NKAIN2: variants seen among roughly 807,000 people sequenced by gnomAD.
The protein encoded by NKAIN2 is sodium/potassium-transporting ATPase subunit beta-1-interacting protein 2.
In NKAIN2, 14 loss-of-function variants were observed where a neutral mutation model predicts 32.6. That is an observed-to-expected ratio of 0.43 (90% CI 0.28 to 0.67). The LOEUF is 0.67. NKAIN2 is among the 30% of genes least tolerant of loss of function. The probability of loss-of-function intolerance (pLI) is 0.17; values close to 1 mark genes in which losing one functional copy is unlikely to be tolerated. For synonymous variants in NKAIN2, 80 were observed against 87.2 expected (o/e 0.92, Z 0.46); for missense variants, 198 against 258.3 (o/e 0.77, Z 1.60).
chr6:124,027,152 T>C (rs1471249238), intron 1 of NKAIN2, among the ~76,000 whole-genome samples: 3 of 152,042 alleles, frequency 2.0e-5, no homozygotes, highest in Non-Finnish European at 4.4e-5. Context: ...TTTTTTTTTT[T>C]TTTTAAGACA....
At chr6:124,753,269 A>C (rs541445400) in intron 4 of NKAIN2, among the ~76,000 whole-genome samples, 1 of 152,222 alleles carries the variant, frequency 6.6e-6, no homozygotes, top group African/African-American at 2.4e-5. Context: ...GCAGAGCAAA[A>C]TCTCTTTCTG....
At chr6:123,917,744 C>G (rs766896765) in intron 1 of NKAIN2, among the ~76,000 whole-genome samples, 1 of 152,066 alleles carries the variant, frequency 6.6e-6, no homozygotes, top group Non-Finnish European at 1.5e-5. Context: ...GTATTAATAA[C>G]TGATAAGGCT....
chr6:124,567,691 GT>G (rs1780971510), intron 3 of NKAIN2, among the ~76,000 whole-genome samples: 1 of 152,242 alleles, frequency 6.6e-6, no homozygotes, highest in South Asian at 2.1e-4. Context: ...TTGTCTGGAT[GT>G]TGGTGATTTA....
chr6:124,465,426 G>C (rs549547582), intron 3 of NKAIN2, among the ~76,000 whole-genome samples: 1 of 151,974 alleles, frequency 6.6e-6, no homozygotes, highest in African/African-American at 2.4e-5. Context: ...AGTGGGAGTC[G>C]AACAATGAGA....
At chr6:123,998,934 C>T (rs1299730999) in intron 1 of NKAIN2, among the ~76,000 whole-genome samples, 1 of 151,666 alleles carries the variant, frequency 6.6e-6, no homozygotes, top group Admixed American at 6.6e-5. Context: ...TGTCTTTTGA[C>T]ACTGTTTTCA....
chr6:124,792,734 G>A (rs565152457), intron 5 of NKAIN2, among the ~76,000 whole-genome samples: 1 of 151,984 alleles, frequency 6.6e-6, no homozygotes, highest in Non-Finnish European at 1.5e-5. Flanking sequence ...AGTGAGGGGT[G>A]GTCCCAGGCA....
intron 1 of NKAIN2, among the ~76,000 whole-genome samples, chr6:123,922,879 A>G (rs762065186): frequency 3.3e-5 from 5 of 152,212 alleles, no homozygotes; most frequent in Non-Finnish European, 5.9e-5. Flanking sequence ...GGGGAAAGTT[A>G]CTGTGCTGTC....
chr6:123,909,862 C>T (rs1562252116), intron 1 of NKAIN2, among the ~76,000 whole-genome samples: 1 of 152,106 alleles, frequency 6.6e-6, no homozygotes, highest in Non-Finnish European at 1.5e-5. Context: ...CAACCATTTG[C>T]ACAGCAATTA....
chr6:124,220,677 A>G (rs1225273588), intron 1 of NKAIN2, among the ~76,000 whole-genome samples: 1 of 151,640 alleles, frequency 6.6e-6, no homozygotes, highest in African/African-American at 2.4e-5. Context: ...GTTTTCTAAT[A>G]ATTTTGCCCC....
intron 1 of NKAIN2, among the ~76,000 whole-genome samples, chr6:124,002,133 C>G (rs1779902589): frequency 6.6e-6 from 1 of 151,890 alleles, no homozygotes; most frequent in Non-Finnish European, 1.5e-5. Flanking sequence ...AAATTATAAC[C>G]AAGTTCTATT....
chr6:124,778,901 G>T (rs370480994), intron 4 of NKAIN2, among the ~76,000 whole-genome samples: 9 of 152,040 alleles, frequency 5.9e-5, no homozygotes, highest in Non-Finnish European at 1.3e-4. Context: ...GTCAAAAACC[G>T]ATGAACATTT....
intron 2 of NKAIN2, among the ~76,000 whole-genome samples, chr6:124,354,615 G>T (rs1280326903): frequency 4.6e-5 from 7 of 152,110 alleles, no homozygotes. Context: ...CTTGGGGAAA[G>T]GTTGATCATT....
chr6:124,674,399 G>A (rs993331044), intron 4 of NKAIN2, among the ~76,000 whole-genome samples: 10 of 151,840 alleles, frequency 6.6e-5, no homozygotes, highest in Non-Finnish European at 1.5e-4. Flanking sequence ...GCAAAAAAGA[G>A]CCATTGTGCT....
At chr6:124,046,410 A>G (rs78459872) in intron 1 of NKAIN2, among the ~76,000 whole-genome samples, 8,141 of 152,062 alleles carry the variant, frequency 0.054, 298 homozygotes, top group East Asian at 0.22. Flanking sequence ...ACCATTACCA[A>G]TTGGAGAATC....
chr6:124,391,309 A>C (rs1387446692), intron 3 of NKAIN2, among the ~76,000 whole-genome samples: 5 of 152,176 alleles, frequency 3.3e-5, no homozygotes, highest in African/African-American at 1.2e-4. Flanking sequence ...ATGTGTGGGC[A>C]AAAGGGGTTA....
chr6:123,944,696 C>G (rs1447547397), intron 1 of NKAIN2, among the ~76,000 whole-genome samples: 1 of 151,994 alleles, frequency 6.6e-6, no homozygotes, highest in Non-Finnish European at 1.5e-5. Context: ...AGAAATATAT[C>G]TCTTGTTTAA....
intron 1 of NKAIN2, among the ~76,000 whole-genome samples, chr6:124,074,264 A>G (rs1465314375): frequency 2.0e-5 from 3 of 152,146 alleles, no homozygotes; most frequent in Non-Finnish European, 4.4e-5. Context: ...TCTGCCTGGC[A>G]TGTACCAGAA....
intron 3 of NKAIN2, among the ~76,000 whole-genome samples, chr6:124,625,882 T>C (rs1462729677): frequency 1.6e-5 from 2 of 126,618 alleles, no homozygotes; most frequent in East Asian, 5.0e-4. Context: ...CTCTTTCTCC[T>C]CTAACAAACA....
At chr6:123,929,571 C>T (rs1025251467) in intron 1 of NKAIN2, among the ~76,000 whole-genome samples, 11 of 151,928 alleles carry the variant, frequency 7.2e-5, no homozygotes, top group African/African-American at 2.4e-4. Context: ...TCTGAGACAC[C>T]GATAACAGGC....
Sources: allele counts gnomAD v4.1 joint callset (sites outside exome capture counted in the v4.1 genomes callset), GRCh38; gene constraint gnomAD v4.1.1; transcripts MANE v1.5; gene names NCBI Gene and HGNC (gene_info 2026-07-23, HGNC 2026-07-21).